LINGO2: variants seen among roughly 807,000 people sequenced by gnomAD.
LINGO2 encodes the protein leucine-rich repeat and immunoglobulin-like domain-containing nogo receptor-interacting protein 2.
Under a neutral mutation model 30.6 loss-of-function variants are expected in LINGO2, and 14 were observed. The ratio of observed to expected loss-of-function variants is 0.46; its 90% CI spans 0.30 to 0.72. The LOEUF is 0.72. LINGO2 is among the 30% of genes least tolerant of loss of function. The pLI, the probability that LINGO2 is intolerant of heterozygous loss-of-function variation, is 0.07. For missense variants in LINGO2, 729 were observed against 751.7 expected (o/e 0.97, Z 0.35); for synonymous variants, 317 against 288.5 (o/e 1.10, Z -1.00).
chr9:28,595,653 A>C (rs539185225), intron 1 of LINGO2, among the ~76,000 whole-genome samples: 1 of 152,124 alleles, frequency 6.6e-6, no homozygotes, highest in East Asian at 1.9e-4. Context: ...CATGGAAACA[A>C]CTAATACTTA....
At chr9:28,826,982 T>C in the LINGO2 span, among the ~76,000 whole-genome samples, 4 of 152,194 alleles carry the variant, frequency 2.6e-5, no homozygotes, top group East Asian at 1.9e-4. Context: ...AGAAATTCAC[T>C]TAAAACCACG....
intron 4 of LINGO2, among the ~76,000 whole-genome samples, chr9:28,256,375 T>C (rs1271738870): frequency 6.6e-6 from 1 of 151,912 alleles, no homozygotes; most frequent in Non-Finnish European, 1.5e-5. Flanking sequence ...TAAGAGCACA[T>C]GAAGGACAAA....
intron 4 of LINGO2, among the ~76,000 whole-genome samples, chr9:28,217,401 T>G: frequency 6.6e-6 from 1 of 151,972 alleles, no homozygotes; most frequent in South Asian, 2.1e-4. Context: ...TAAAGACAAC[T>G]GAAATCAAGA....
the LINGO2 span, among the ~76,000 whole-genome samples, chr9:28,839,325 T>C: frequency 8.5e-5 from 13 of 152,260 alleles, no homozygotes; most frequent in Non-Finnish European, 1.6e-4. Context: ...AGGTGCTTTA[T>C]TGAGCAACAG....
chr9:28,187,890 C>T (rs1051355543), intron 4 of LINGO2, among the ~76,000 whole-genome samples: 4 of 152,214 alleles, frequency 2.6e-5, no homozygotes, highest in East Asian at 1.9e-4. Context: ...TTTTTTAAAG[C>T]CTCAGAGCCC....
At chr9:28,456,092 A>C (rs1824835601) in intron 2 of LINGO2, among the ~76,000 whole-genome samples, 1 of 152,170 alleles carries the variant, frequency 6.6e-6, no homozygotes, top group East Asian at 1.9e-4. Context: ...TGTTATGGTT[A>C]GTAATTTTTG....
chr9:29,111,869 G>A, the LINGO2 span, among the ~76,000 whole-genome samples: 1 of 150,154 alleles, frequency 6.7e-6, no homozygotes, highest in Non-Finnish European at 1.5e-5. Context: ...ATGTATATAT[G>A]TGTGTATATA....
At chr9:28,139,380 A>C (rs1431799324) in intron 4 of LINGO2, among the ~76,000 whole-genome samples, 1 of 152,202 alleles carries the variant, frequency 6.6e-6, no homozygotes, top group Non-Finnish European at 1.5e-5. Context: ...TCCTTAACTC[A>C]AATTGTGTGG....
intron 1 of LINGO2, among the ~76,000 whole-genome samples, chr9:28,483,745 G>A (rs755963416): frequency 6.6e-6 from 1 of 151,606 alleles, no homozygotes; most frequent in Non-Finnish European, 1.5e-5. Context: ...TAAAACTTAT[G>A]GCACATTTTA....
At chr9:28,812,089 ACT>A in the LINGO2 span, among the ~76,000 whole-genome samples, 1 of 151,170 alleles carries the variant, frequency 6.6e-6, no homozygotes, top group East Asian at 1.9e-4. Flanking sequence ...TTTTTGCATC[ACT>A]CTCACTCTTC....
the LINGO2 span, among the ~76,000 whole-genome samples, chr9:28,996,009 T>G: frequency 8.5e-6 from 1 of 116,966 alleles, no homozygotes; most frequent in Non-Finnish European, 2.0e-5. Context: ...ACCCTAAAAC[T>G]TAAAGTATAA....
the LINGO2 span, among the ~76,000 whole-genome samples, chr9:29,206,215 T>C: frequency 2.0e-5 from 3 of 152,210 alleles, no homozygotes; most frequent in Admixed American, 6.5e-5. Flanking sequence ...ACATGATATA[T>C]TGCTAGAGAT....
chr9:28,694,872 T>A, the LINGO2 span, among the ~76,000 whole-genome samples: 12 of 151,944 alleles, frequency 7.9e-5, no homozygotes, highest in South Asian at 2.1e-3. Context: ...TGTGTCATGG[T>A]CAAAAACAAT....
the LINGO2 span, among the ~76,000 whole-genome samples, chr9:29,109,967 G>A: frequency 1.3e-5 from 2 of 152,168 alleles, no homozygotes; most frequent in Admixed American, 1.3e-4. Flanking sequence ...CCTTGTTACA[G>A]ATGAGAAGAT....
intron 4 of LINGO2, among the ~76,000 whole-genome samples, chr9:28,053,777 G>A (rs1369339086): frequency 6.6e-6 from 1 of 152,080 alleles, no homozygotes; most frequent in Non-Finnish European, 1.5e-5. Flanking sequence ...ATAGAGGCAG[G>A]AAAGAACCCA....
chr9:28,702,585 G>A, the LINGO2 span, among the ~76,000 whole-genome samples: 1 of 151,920 alleles, frequency 6.6e-6, no homozygotes, highest in Non-Finnish European at 1.5e-5. Context: ...AGACAATTAT[G>A]TCTACTTTGT....
chr9:28,813,549 T>C, the LINGO2 span, among the ~76,000 whole-genome samples: 1 of 152,156 alleles, frequency 6.6e-6, no homozygotes, highest in South Asian at 2.1e-4. Flanking sequence ...CTTCCTTCCA[T>C]TATTTAATGC....
At chr9:29,144,759 A>G in the LINGO2 span, among the ~76,000 whole-genome samples, 1 of 152,250 alleles carries the variant, frequency 6.6e-6, no homozygotes, top group East Asian at 1.9e-4. Flanking sequence ...GAGAGATAAT[A>G]TGAGTGACTA....
At chr9:28,217,523 A>G (rs1330746034) in intron 4 of LINGO2, among the ~76,000 whole-genome samples, 1 of 152,068 alleles carries the variant, frequency 6.6e-6, no homozygotes, top group African/African-American at 2.4e-5. Flanking sequence ...TCTCTATAAG[A>G]GCAAACACCA....
Sources: allele counts gnomAD v4.1 joint callset (sites outside exome capture counted in the v4.1 genomes callset), GRCh38; gene constraint gnomAD v4.1.1; transcripts MANE v1.5; gene names NCBI Gene and HGNC (gene_info 2026-07-23, HGNC 2026-07-21).